P4HTM: variants seen among roughly 807,000 people sequenced by gnomAD.
P4HTM encodes prolyl 4-hydroxylase, transmembrane, also known as transmembrane prolyl 4-hydroxylase.
Under a neutral mutation model 55.3 loss-of-function variants are expected in P4HTM, and 33 were observed. The observed-to-expected ratio is 0.60, with a 90% CI of 0.45 to 0.80. The LOEUF (loss-of-function observed/expected upper bound fraction) is 0.80, where lower values mean the gene tolerates loss of function less well. Among genes scored for constraint, P4HTM ranks in the 30% least tolerant of loss-of-function variants. The probability of loss-of-function intolerance (pLI) is 0.00; values close to 1 mark genes in which losing one functional copy is unlikely to be tolerated. For synonymous variants in P4HTM, 272 were observed against 286.4 expected (o/e 0.95, Z 0.51); for missense variants, 542 against 696.5 (o/e 0.78, Z 2.50).
rs375065412 is a variant in P4HTM, at chr3:49,005,862, G to C, written c.1159G>C (p.Glu387Gln). 1.3e-6 allele frequency: 2 copies of C among 1,547,192 alleles called. No individual in the cohort carries two copies. Among genetic ancestry groups the C allele is most frequent in the African/African-American group, 2.7e-5 (2 of 72,810 alleles). Residue 387 changes from glutamate (E) to glutamine (Q), a missense_variant, in exon 7 of 9, where the codon GAA becomes CAA. Around this residue, in one of 2 missense-constraint regions of P4HTM, gnomAD observed 536 missense variants for 672.1 expected, o/e 0.80. Transcript: ENST00000383729. ...FPVADNRTYD[E>Q]MSLIQDDVDL... ...TGTAGCAGATAACAGAACCTACGAT[G>C]AAATGGTAAGGGTCAACTGGGCTAT...
chr3:48,992,788 C>T lies in P4HTM; in HGVS notation c.436+1874C>T, dbSNP rs1356525220. Among the ~76,000 whole-genome samples, 3 of 151,068 alleles carry T rather than the reference C, an allele frequency of 2.0e-5. No homozygotes were observed. The East Asian group carries it at 6.3e-4, about 32-fold the overall frequency. ...TCAAGTGATTCTCCTGCCTCAGCCT[C>T]CCAAGTAGCTGGGATTACAGGCATG... On this transcript the variant is annotated intron_variant, in intron 2 of 8. Coordinates refer to ENST00000383729, the MANE Select transcript of P4HTM (RefSeq NM_177939.3).
At position 48,990,581 on chromosome 3, in the gene P4HTM, GGTCC is replaced by G; in HGVS notation, c.326_329del (p.Gly109AlafsTer42). On this transcript the variant is annotated frameshift_variant, in exon 1 of 9. Coordinates refer to ENST00000383729, the MANE Select transcript of P4HTM (RefSeq NM_177939.3). LOFTEE classifies it high-confidence loss of function. This position sits in a 1 kb window ranked among gnomAD's most constrained non-coding sequence, Gnocchi z 7.2. ...GGGCCCCGGGCCCGAGCCCACCTTA[GGTCC>G]CCTCACCCGGCTGGAGGGCATCAAG... 1 of 1,604,418 alleles carries G rather than the reference GGTCC, an allele frequency of 6.2e-7. No homozygotes were observed. The highest frequency in any genetic ancestry group is 8.5e-7 in the Non-Finnish European group (1 of 1,176,408).
chr3:49,005,917 A>C (rs777864210), intron 7 of P4HTM, 50 bp downstream of exon 7: 1 of 1,531,786 alleles, frequency 6.5e-7, no homozygotes, highest in East Asian at 2.3e-5. Context: ...GGGCTTAGAC[A>C]AGTGAAGTAC....
intron 2 of P4HTM, chr3:48,998,147 C>T (rs760735586): frequency 1.3e-5 from 2 of 152,414 alleles, no homozygotes; most frequent in African/African-American, 4.8e-5. Context: ...GGGGTGGGGC[C>T]GAGCAAGGTG....
At position 49,002,568 on chromosome 3, in the gene P4HTM, C is replaced by T. The variant is rs143357651; in HGVS notation, c.696C>T (p.Ala232=). 3.7e-5 allele frequency: 59 copies of T among 1,613,800 alleles called. No individual in the cohort carries two copies. Among genetic ancestry groups the T allele is most frequent in the Middle Eastern group, 1.7e-4 (1 of 6,060 alleles). The change falls in exon 4 of 9, where the codon GCC becomes GCT. Residue 232 remains alanine, a synonymous_variant. Coordinates refer to ENST00000383729, the MANE Select transcript of P4HTM (RefSeq NM_177939.3). The surrounding 1 kb of genome is among the most constrained non-coding windows in gnomAD (Gnocchi z 4.4). The part of the protein sequence containing the change: ...MTPESIQEMY[A]AIKADPDGDG... ...CAGAGAGCATTCAGGAGATGTACGC[C>T]GCGATCAAGGCTGACCCTGATGGTG...
rs2092965850 is a variant in P4HTM at position 49,002,907 on chromosome 3, G to A, written c.724+311G>A. Reference sequence around the variant, plus strand: ...CTGCTAGTTGGCAGAGAACAGAGTGGGTGGAGCAGGAGCAAGGCGACAGTG... The same window carrying A: ...CTGCTAGTTGGCAGAGAACAGAGTGAGTGGAGCAGGAGCAAGGCGACAGTG... On this transcript the variant is annotated intron_variant, in intron 4 of 8. Coordinates refer to ENST00000383729, the MANE Select transcript of P4HTM (RefSeq NM_177939.3). This position sits in a 1 kb window ranked among gnomAD's most constrained non-coding sequence, Gnocchi z 4.4. 6 of 436,376 alleles carry A rather than the reference G, an allele frequency of 1.4e-5. No individual in the cohort carries two copies. The highest frequency in any genetic ancestry group is 2.6e-5 in the Non-Finnish European group (6 of 232,086). The allele number at this position is 436,376 out of a possible 1,614,324, so 27.0% of individuals were successfully genotyped here. A position where few individuals can be genotyped will look rare whatever the true frequency, so the allele number is the denominator to read the frequency against.
At chr3:48,993,074 C>T (rs553945332) in intron 2 of P4HTM, among the ~76,000 whole-genome samples, 46 of 152,138 alleles carry the variant, frequency 3.0e-4, no homozygotes, top group Middle Eastern at 3.4e-3. Flanking sequence ...GAGGTCGAGG[C>T]GGGTGGATCA....
intron 2 of P4HTM, chr3:48,998,008 T>G (rs1576605018): frequency 1.4e-5 from 2 of 143,410 alleles, no homozygotes; most frequent in South Asian, 2.2e-4. Context: ...GGGGGTGGAG[T>G]GAGGAGGGGG....
At position 48,990,665 on chromosome 3, in the gene P4HTM, G is replaced by A. The variant is rs1196745812; in HGVS notation, c.354+55G>A. The stretch of plus-strand genomic sequence containing the variant: ...AGGCCCTGCACGGCTGAGCCCGAGA[G>A]GACCGGCGCTCAGCCCGGGTCCCCA... On this transcript the variant is annotated intron_variant, in intron 1 of 8. Transcript: ENST00000383729. This position sits in a 1 kb window ranked among gnomAD's most constrained non-coding sequence, Gnocchi z 7.2. 2 of 1,483,522 alleles carry A rather than the reference G, an allele frequency of 1.3e-6. No individual in the cohort carries two copies. The highest frequency in any genetic ancestry group is 1.4e-5 in the African/African-American group (1 of 70,742). 91.9% of individuals were successfully genotyped at this position (1,483,522 alleles called of 1,614,324 possible).
At chr3:49,004,514 C>T in intron 5 of P4HTM, 1 of 559,462 alleles carries the variant, frequency 1.8e-6, no homozygotes. Context: ...GATAAATGAC[C>T]TCTTATCTTT....
At chr3:48,994,612 T>C (rs1030286392) in intron 2 of P4HTM, among the ~76,000 whole-genome samples, 1 of 152,134 alleles carries the variant, frequency 6.6e-6, no homozygotes, top group African/African-American at 2.4e-5. Flanking sequence ...ATTTGGAATA[T>C]TGGGTGTCAG....
chr3:49,006,338 T>C, intron 8 of P4HTM, 151 bp downstream of exon 8: 1 of 783,176 alleles, frequency 1.3e-6, no homozygotes, highest in Non-Finnish European at 2.0e-6. Flanking sequence ...TTAGTGACTT[T>C]AGCAGACTGC....
chr3:48,995,367 A>G (rs1462587481), intron 2 of P4HTM, among the ~76,000 whole-genome samples: 2 of 152,142 alleles, frequency 1.3e-5, no homozygotes, highest in East Asian at 3.8e-4. Context: ...TCCCATCCTC[A>G]GAGACCTCTT....
upstream of P4HTM, chr3:48,990,178 G>T (rs1159930980): frequency 9.2e-6 from 10 of 1,088,240 alleles, no homozygotes; most frequent in Non-Finnish European, 1.1e-5. The surrounding 1 kb of genome is among the most constrained non-coding windows in gnomAD (Gnocchi z 7.2). Flanking sequence ...TCGCGGGCCT[G>T]GCGGCCGTTG....
At chr3:49,005,257 A>C (rs2092973674) in intron 6 of P4HTM, 1 of 1,492,876 alleles carries the variant, frequency 6.7e-7, no homozygotes, top group Non-Finnish European at 8.9e-7. Context: ...CACTGGAGTC[A>C]ACACAGACTG....
Position 49,006,672 on chromosome 3 carries a change from A to G in P4HTM, c.1289-15A>G. Reference sequence around the variant, plus strand: ...CCAGCCCAGCCTAGGATCTCACGTCACCCTCCTCTTCTAGGTTGGGTGGGT... The same window carrying G: ...CCAGCCCAGCCTAGGATCTCACGTCGCCCTCCTCTTCTAGGTTGGGTGGGT... On this transcript the variant is annotated splice_polypyrimidine_tract_variant and intron_variant, in intron 8 of 8. Coordinates refer to ENST00000383729, the MANE Select transcript of P4HTM (RefSeq NM_177939.3). 6.2e-7 allele frequency: 1 copy of G among 1,611,076 alleles called. No individual in the cohort carries two copies. Among genetic ancestry groups the G allele is most frequent in the Non-Finnish European group, 8.5e-7 (1 of 1,177,970 alleles).
intron 2 of P4HTM, among the ~76,000 whole-genome samples, chr3:48,994,772 G>T (rs4072859): frequency 1.3e-5 from 2 of 151,614 alleles, no homozygotes; most frequent in Non-Finnish European, 2.9e-5. Flanking sequence ...CAGATCTCAT[G>T]GCTCTCTCTT....
chr3:49,001,445 C>G lies in P4HTM; in HGVS notation c.444C>G (p.Pro148=). ...LSLKPLLFEI[P]GFLTDEECRL... is the part of the protein sequence containing the mutation. Reference sequence around the variant, plus strand: ...CACCTCCTCTTCTGGCAGAAATCCCCGGCTTCCTGACTGATGAAGAGTGTC... The same window carrying G: ...CACCTCCTCTTCTGGCAGAAATCCCGGGCTTCCTGACTGATGAAGAGTGTC... Residue 148 remains proline (P), a synonymous_variant, in exon 3 of 9, where the codon CCC becomes CCG. Transcript: ENST00000383729. 1 of 1,613,800 alleles carries G rather than the reference C, an allele frequency of 6.2e-7. No individual in the cohort carries two copies. The highest frequency in any genetic ancestry group is 1.1e-5 in the South Asian group (1 of 91,074).
At chr3:48,997,981 C>T (rs549728198) in intron 2 of P4HTM, 70 of 151,776 alleles carry the variant, frequency 4.6e-4, no homozygotes, top group Admixed American at 8.5e-4. Context: ...CAAGGCGAGG[C>T]ACTGGCCAGT....
Sources: allele counts gnomAD v4.1 joint callset (sites outside exome capture counted in the v4.1 genomes callset), GRCh38; gene constraint gnomAD v4.1.1; regional missense constraint gnomAD v4.1.1; non-coding constraint Gnocchi (gnomAD v3.1); transcripts MANE v1.5; gene names NCBI Gene and HGNC (gene_info 2026-07-23, HGNC 2026-07-21).